The following PALM2AKAP2 variants were observed in gnomAD, a reference collection of about 807,000 sequenced individuals.
The protein encoded by PALM2AKAP2 is PALM2 and AKAP2 fusion.
PALM2AKAP2 carries 37 observed loss-of-function variants against 71.5 expected under a neutral mutation model. That is an observed-to-expected ratio of 0.52 (90% confidence interval 0.40 to 0.68). The LOEUF (loss-of-function observed/expected upper bound fraction) is 0.68, where lower values mean the gene tolerates loss of function less well. Ranked by LOEUF, PALM2AKAP2 falls within the 30% of genes least tolerant of loss-of-function variation. PALM2AKAP2 has a pLI of 0.00. For missense variants in PALM2AKAP2, 1,224 were observed against 1,191.8 expected (o/e 1.03, Z -0.40); for synonymous variants, 468 against 478.8 (o/e 0.98, Z 0.29).
At chr9:109,860,162 G>T (rs1245584834) in intron 1 of PALM2AKAP2, among the ~76,000 whole-genome samples, 4 of 152,168 alleles carry the variant, frequency 2.6e-5, no homozygotes, top group Non-Finnish European at 5.9e-5. Context: ...TTGTTAGCTG[G>T]ACAGGCGATT....
chr9:110,078,216 C>T (rs1409037641), intron 1 of PALM2AKAP2, among the ~76,000 whole-genome samples: 1 of 152,168 alleles, frequency 6.6e-6, no homozygotes, highest in African/African-American at 2.4e-5. Flanking sequence ...CTGTCTTTAT[C>T]AACCCCTGAT....
intron 1 of PALM2AKAP2, among the ~76,000 whole-genome samples, chr9:109,833,007 A>C (rs1828349725): frequency 6.6e-6 from 1 of 152,176 alleles, no homozygotes; most frequent in African/African-American, 2.4e-5. Context: ...CTCATGCGAG[A>C]GCTGTTGCCC....
At chr9:110,095,610 G>C (rs1018099626) in intron 1 of PALM2AKAP2, among the ~76,000 whole-genome samples, 1 of 152,102 alleles carries the variant, frequency 6.6e-6, no homozygotes, top group African/African-American at 2.4e-5. Flanking sequence ...CATAAGAATT[G>C]CCTTTTTGTT....
At chr9:109,911,447 G>A (rs577586950) in intron 3 of PALM2AKAP2, among the ~76,000 whole-genome samples, 1 of 152,212 alleles carries the variant, frequency 6.6e-6, no homozygotes, top group Non-Finnish European at 1.5e-5. Context: ...TGTCTCCATG[G>A]GCTGAAGCAC....
intron 6 of PALM2AKAP2, among the ~76,000 whole-genome samples, chr9:109,959,487 A>G (rs543704447): frequency 6.6e-6 from 1 of 152,166 alleles, no homozygotes; most frequent in African/African-American, 2.4e-5. Context: ...TACTAAAAAT[A>G]CAAAAAAACT....
At chr9:110,006,320 C>CTATCTTTCTTTCTTTCTTTCTTTTCTTT (rs1238150373) in intron 6 of PALM2AKAP2, among the ~76,000 whole-genome samples, 5 of 82,600 alleles carry the variant, frequency 6.1e-5, no homozygotes, top group African/African-American at 2.2e-4. Flanking sequence ...TTCCTTCCTT[C>CTATCTTTCTTTCTTTCTTTCTTTTCTTT]CTTCTCTTTC....
chr9:109,760,268 A>G (rs1829031180), intron 1 of PALM2AKAP2: 1 of 152,242 alleles, frequency 6.6e-6, no homozygotes, highest in South Asian at 2.1e-4. Context: ...CACCAAAATC[A>G]TGCCAGTAGT....
chr9:110,036,067 G>A (rs1251656433), intron 7 of PALM2AKAP2, among the ~76,000 whole-genome samples: 3 of 151,812 alleles, frequency 2.0e-5, no homozygotes, highest in Admixed American at 6.6e-5. Flanking sequence ...TGAGCCTCCC[G>A]AGAGTACAGG....
At chr9:109,997,706 C>A (rs560382103) in intron 6 of PALM2AKAP2, among the ~76,000 whole-genome samples, 1 of 152,172 alleles carries the variant, frequency 6.6e-6, no homozygotes, top group South Asian at 2.1e-4. Context: ...AGGGAATTGC[C>A]CTCTATTTGG....
chr9:109,837,451 T>C (rs557485588), intron 1 of PALM2AKAP2, among the ~76,000 whole-genome samples: 18 of 152,336 alleles, frequency 1.2e-4, no homozygotes, highest in Middle Eastern at 3.4e-3. Flanking sequence ...CCATCGAGGC[T>C]AGAAAGAAAC....
intron 1 of PALM2AKAP2, among the ~76,000 whole-genome samples, chr9:109,772,413 C>T (rs1259092963): frequency 6.6e-6 from 1 of 152,188 alleles, no homozygotes; most frequent in Admixed American, 6.5e-5. Flanking sequence ...TGAATGAATG[C>T]AGAAAGAAGA....
chr9:110,019,929 C>G (rs1209617311), intron 7 of PALM2AKAP2, among the ~76,000 whole-genome samples: 2 of 152,108 alleles, frequency 1.3e-5, no homozygotes, highest in Non-Finnish European at 2.9e-5. Context: ...CATGAACCCC[C>G]TGAATCTATA....
intron 3 of PALM2AKAP2, among the ~76,000 whole-genome samples, chr9:109,908,544 G>T (rs1830499772): frequency 6.6e-6 from 1 of 152,218 alleles, no homozygotes; most frequent in Non-Finnish European, 1.5e-5. Context: ...GCAAAGAATT[G>T]AATAATGCTT....
intron 1 of PALM2AKAP2, among the ~76,000 whole-genome samples, chr9:109,865,445 C>G (rs114291555): frequency 0.012 from 1,755 of 152,192 alleles, 35 homozygotes; most frequent in African/African-American, 0.04. Flanking sequence ...ACTCTACATC[C>G]TTCATGACCA....
intron 6 of PALM2AKAP2, among the ~76,000 whole-genome samples, chr9:110,002,901 G>A (rs187122917): frequency 4.7e-4 from 72 of 152,074 alleles, no homozygotes; most frequent in Non-Finnish European, 7.6e-4. Flanking sequence ...TTTTTATTGC[G>A]TCTATTTGAT....
intron 1 of PALM2AKAP2, among the ~76,000 whole-genome samples, chr9:109,861,605 T>C (rs1829311595): frequency 2.0e-5 from 3 of 152,206 alleles, no homozygotes; most frequent in Non-Finnish European, 4.4e-5. Context: ...TCATTCCAGA[T>C]GTCTCTTGAG....
intron 6 of PALM2AKAP2, among the ~76,000 whole-genome samples, chr9:109,981,040 C>A (rs1020459344): frequency 6.6e-6 from 1 of 152,172 alleles, no homozygotes; most frequent in African/African-American, 2.4e-5. Flanking sequence ...GCAGTGAAGA[C>A]TTCAGTGCAC....
At position 109,694,338 on chromosome 9, in the gene PALM2AKAP2, A is replaced by G. The variant is rs141982802; in HGVS notation, c.5+53472A>G. ...GAAAAATAATTTGTATGTGTCACAC[A>G]CAATTACTTCTTAAATTCAGAATTC... On this transcript the variant is annotated intron_variant, in intron 1 of 6. Transcript: ENST00000374531. Among the ~76,000 whole-genome samples, 179 of 152,226 alleles carry G rather than the reference A, an allele frequency of 1.2e-3. 1 individual carries two copies. Among genetic ancestry groups the G allele is most frequent in the African/African-American group, 4.0e-3 (168 of 41,582 alleles).
At chr9:109,645,777 G>A (rs142557219) in intron 1 of PALM2AKAP2, among the ~76,000 whole-genome samples, 7 of 152,092 alleles carry the variant, frequency 4.6e-5, no homozygotes, top group African/African-American at 1.7e-4. Context: ...AAGGCACAAG[G>A]GTTGAAAAAT....
Sources: gnomAD v4.1 joint callset for allele counts (sites outside exome capture counted in the v4.1 genomes callset) on GRCh38, gnomAD v4.1.1 for gene constraint, MANE v1.5 for transcripts, NCBI Gene and HGNC (gene_info 2026-07-23, HGNC 2026-07-21) for gene names.